The following TRPC5 variants were observed in gnomAD, a reference collection of about 807,000 sequenced individuals.
TRPC5 encodes the protein short transient receptor potential channel 5.
TRPC5 carries 9 observed loss-of-function variants against 56.5 expected under a neutral mutation model. That is an observed-to-expected ratio of 0.16 (90% CI 0.10 to 0.28). TRPC5 has a LOEUF of 0.28. Among genes scored for constraint, TRPC5 ranks in the 10% least tolerant of loss-of-function variants. The probability of loss-of-function intolerance (pLI) is 1.00; values close to 1 mark genes in which losing one functional copy is unlikely to be tolerated. For missense variants in TRPC5, 469 were observed against 748.9 expected, an observed-to-expected ratio of 0.63 and a Z score of 4.36; for synonymous variants, 282 against 278.5, an observed-to-expected ratio of 1.01 and a Z score of -0.13.
intron 1 of TRPC5, among the ~76,000 whole-genome samples, chrX:112,075,570 G>A (rs746501164): frequency 7.1e-5 from 8 of 111,947 alleles, no homozygotes; most frequent in African/African-American, 2.6e-4. Flanking sequence ...AGATATAATT[G>A]AAGTTGCTAA....
intron 7 of TRPC5, among the ~76,000 whole-genome samples, chrX:111,788,068 C>A (rs146647849): frequency 8.9e-6 from 1 of 111,850 alleles, no homozygotes; most frequent in East Asian, 2.8e-4. Flanking sequence ...TTTTATGAGG[C>A]CAACATCATA....
At position 111,774,528 on chromosome X, in the gene TRPC5, G is replaced by A. The variant is rs1259206038; in HGVS notation, c.*1785C>T. ...CAGATATGATCAAGGAATTATTTTC[G>A]GACAACCTCTTGCCAAATGGGTCTT... On this transcript the variant is annotated 3_prime_UTR_variant, in exon 11 of 11. Transcript: ENST00000262839. 9.0e-6 allele frequency: 1 copy of A among 110,987 alleles called. No individual in the cohort carries two copies. The highest frequency in any genetic ancestry group is 3.8e-4 in the South Asian group (1 of 2,603). 9.1% of individuals were successfully genotyped at this position (110,987 alleles called of 1,213,427 possible).
intron 1 of TRPC5, among the ~76,000 whole-genome samples, chrX:112,066,421 G>A (rs1270928658): frequency 8.9e-6 from 1 of 111,799 alleles, no homozygotes; most frequent in Non-Finnish European, 1.9e-5. Context: ...CCTTCATGGT[G>A]CCTACCATCA....
In TRPC5 at chrX:112,052,443, T is replaced by A. The variant is rs752692011; in HGVS notation, c.-22+29436A>T. ...ATCTTTAGAGAAATATATATTTGAG[T>A]CCTTTGTCCATTTTTTAAAATTGAT... On this transcript the variant is annotated intron_variant, in intron 1 of 10. Coordinates refer to ENST00000262839, the MANE Select transcript of TRPC5 (RefSeq NM_012471.3). Among the ~76,000 whole-genome samples the A allele has an allele frequency of 2.7e-5, 3 of 111,622 alleles. No individual in the cohort carries two copies. The East Asian group carries it at 8.4e-4, about 31-fold the overall frequency.
intron 2 of TRPC5, among the ~76,000 whole-genome samples, chrX:111,927,649 C>T (rs1926295128): frequency 9.0e-6 from 1 of 110,799 alleles, no homozygotes; most frequent in East Asian, 2.8e-4. Flanking sequence ...CTCTCCATGG[C>T]ATGGTGCTAT....
intron 2 of TRPC5, among the ~76,000 whole-genome samples, chrX:111,949,725 A>T (rs931704946): frequency 2.7e-5 from 3 of 111,724 alleles, no homozygotes; most frequent in African/African-American, 9.8e-5. Context: ...GTGAACAGGG[A>T]ACACTTCTAT....
intron 7 of TRPC5, among the ~76,000 whole-genome samples, chrX:111,827,198 A>C (rs993773614): frequency 9.0e-6 from 1 of 111,567 alleles, no homozygotes; most frequent in African/African-American, 3.3e-5. Context: ...TCTTTGGATA[A>C]TCCATCCTCA....
At chrX:111,835,220 G>T in intron 6 of TRPC5, 104 bp from the exon 7 acceptor site, 1 of 693,616 alleles carries the variant, frequency 1.4e-6, no homozygotes. Context: ...CCAGATCTGT[G>T]ACAGATAAAC....
At chrX:111,820,314 C>A (rs1230712401) in intron 7 of TRPC5, among the ~76,000 whole-genome samples, 1 of 111,389 alleles carries the variant, frequency 9.0e-6, no homozygotes, top group Non-Finnish European at 1.9e-5. Context: ...TAAAGCAGAG[C>A]CCTTGTCTTC....
intron 2 of TRPC5, among the ~76,000 whole-genome samples, chrX:111,939,282 G>T (rs973460312): frequency 3.6e-5 from 4 of 111,629 alleles, no homozygotes; most frequent in Non-Finnish European, 7.5e-5. Context: ...TTTTAAATGT[G>T]TTGTTGAATG....
chrX:111,970,779 T>C (rs1419690226), intron 1 of TRPC5, among the ~76,000 whole-genome samples: 1 of 106,147 alleles, frequency 9.4e-6, no homozygotes, highest in Admixed American at 1.0e-4. Flanking sequence ...ATTACCGTTT[T>C]TTTTTTTTTT....
intron 1 of TRPC5, among the ~76,000 whole-genome samples, chrX:112,077,349 T>C (rs1930858569): frequency 8.9e-6 from 1 of 112,540 alleles, no homozygotes; most frequent in African/African-American, 3.2e-5. Context: ...TATTTTATTT[T>C]TTAATTGATA....
intron 3 of TRPC5, among the ~76,000 whole-genome samples, chrX:111,894,810 CAT>C (rs1924981448): frequency 9.0e-6 from 1 of 111,601 alleles, no homozygotes; most frequent in Admixed American, 9.5e-5. Flanking sequence ...TATTTTTTAA[CAT>C]ATGTGATTAT....
intron 3 of TRPC5, chrX:111,901,751 A>G: frequency 3.0e-6 from 2 of 674,468 alleles, no homozygotes; most frequent in Non-Finnish European, 2.1e-6. Context: ...TAAACCAACC[A>G]CAGAACCATT....
intron 7 of TRPC5, among the ~76,000 whole-genome samples, chrX:111,822,517 A>C (rs1922064857): frequency 9.0e-6 from 1 of 111,722 alleles, no homozygotes; most frequent in South Asian, 3.8e-4. Context: ...GTGCAGCCTT[A>C]AGGTAAAGAA....
intron 7 of TRPC5, among the ~76,000 whole-genome samples, chrX:111,817,686 G>A (rs1430084199): frequency 1.8e-5 from 2 of 111,214 alleles, no homozygotes; most frequent in Non-Finnish European, 3.8e-5. Context: ...CTGTGAAGTT[G>A]TTACCTTGCA....
intron 2 of TRPC5, among the ~76,000 whole-genome samples, chrX:111,938,595 T>C (rs1307711331): frequency 9.0e-6 from 1 of 111,368 alleles, no homozygotes; most frequent in South Asian, 3.8e-4. Flanking sequence ...TCTGCATCTA[T>C]TGAGATAATC....
intron 7 of TRPC5, among the ~76,000 whole-genome samples, chrX:111,792,236 T>G (rs1195247978): frequency 2.7e-5 from 3 of 110,748 alleles, no homozygotes; most frequent in Non-Finnish European, 5.7e-5. Context: ...ATGTTCTCAC[T>G]CATAAGTGGG....
chrX:112,043,728 T>C (rs1042524569), intron 1 of TRPC5, among the ~76,000 whole-genome samples: 5 of 110,473 alleles, frequency 4.5e-5, no homozygotes, highest in African/African-American at 1.6e-4. Flanking sequence ...CTTTAAGTCC[T>C]TTCCCTGAAA....
Sources: allele counts gnomAD v4.1 joint callset (sites outside exome capture counted in the v4.1 genomes callset), GRCh38; gene constraint gnomAD v4.1.1; transcripts MANE v1.5; gene names NCBI Gene and HGNC (gene_info 2026-07-23, HGNC 2026-07-21).